EHBP1: variants seen among roughly 807,000 people sequenced by gnomAD.
EHBP1 encodes EH domain-binding protein 1.
In EHBP1, 55 loss-of-function variants were observed where a neutral mutation model predicts 144.0. The observed-to-expected ratio is 0.38, with a 90% CI of 0.31 to 0.48. EHBP1 has a LOEUF of 0.48. Among genes scored for constraint, EHBP1 ranks in the 20% least tolerant of loss-of-function variants. EHBP1 has a pLI of 0.98. For missense variants in EHBP1, 1,200 were observed against 1,364.2 expected (o/e 0.88, Z 1.90); for synonymous variants, 469 against 472.7 (o/e 0.99, Z 0.10).
intron 15 of EHBP1, among the ~76,000 whole-genome samples, chr2:62,980,920 A>G (rs1377215331): frequency 7.4e-5 from 11 of 148,174 alleles, no homozygotes; most frequent in Non-Finnish European, 1.3e-4. Flanking sequence ...AATTTTTTTT[A>G]ATTAACCAGA....
chr2:62,971,557 A>G (rs1053280012), intron 14 of EHBP1, among the ~76,000 whole-genome samples: 4 of 152,196 alleles, frequency 2.6e-5, no homozygotes, highest in African/African-American at 9.6e-5. Flanking sequence ...AATAGCAGTT[A>G]TGTAATAGAT....
intron 16 of EHBP1, among the ~76,000 whole-genome samples, chr2:62,992,204 G>A (rs940620773): frequency 6.6e-6 from 1 of 151,994 alleles, no homozygotes; most frequent in Non-Finnish European, 1.5e-5. Flanking sequence ...GTTTATTTTG[G>A]TAAAGACTTG....
chr2:62,965,783 CCATCAGTTCTTTA>C (rs1398955707), intron 14 of EHBP1, among the ~76,000 whole-genome samples: 5 of 152,172 alleles, frequency 3.3e-5, no homozygotes, highest in Non-Finnish European at 5.9e-5. Context: ...GCTAATCAAG[CCATCAGTTCTTTA>C]TGCACTCTAC....
intron 5 of EHBP1, among the ~76,000 whole-genome samples, chr2:62,795,514 A>C (rs1468581414): frequency 6.6e-6 from 1 of 152,012 alleles, no homozygotes; most frequent in African/African-American, 2.4e-5. Flanking sequence ...TAAGGTTCTT[A>C]AGGCATCAGT....
At chr2:62,845,638 C>A (rs748679829) in intron 7 of EHBP1, among the ~76,000 whole-genome samples, 13 of 151,460 alleles carry the variant, frequency 8.6e-5, no homozygotes, top group Non-Finnish European at 1.6e-4. Context: ...ACCTGGCATC[C>A]ACCCACCAGT....
intron 1 of EHBP1, among the ~76,000 whole-genome samples, chr2:62,689,597 G>A (rs1282147933): frequency 2.0e-5 from 3 of 152,140 alleles, no homozygotes; most frequent in East Asian, 1.9e-4. Flanking sequence ...AGAGGTAACC[G>A]AGGTCTCGGA....
intron 1 of EHBP1, among the ~76,000 whole-genome samples, chr2:62,681,742 C>T (rs62177748): frequency 0.14 from 20,767 of 151,980 alleles, 1,761 homozygotes; most frequent in Admixed American, 0.19. Flanking sequence ...TCATGGGAGA[C>T]TGTATCATAT....
chr2:62,894,694 G>T (rs1281245731), intron 10 of EHBP1, among the ~76,000 whole-genome samples: 3 of 152,144 alleles, frequency 2.0e-5, no homozygotes, highest in East Asian at 1.9e-4. Flanking sequence ...GGACTTTATT[G>T]TGTAGACAGT....
chr2:62,766,316 C>G (rs897270528), intron 4 of EHBP1, among the ~76,000 whole-genome samples: 1 of 152,010 alleles, frequency 6.6e-6, no homozygotes, highest in East Asian at 1.9e-4. Flanking sequence ...GCTGCAGTCA[C>G]GTTCATCTTG....
chr2:62,992,305 T>C (rs886603616), intron 16 of EHBP1, among the ~76,000 whole-genome samples: 2 of 152,200 alleles, frequency 1.3e-5, no homozygotes, highest in African/African-American at 4.8e-5. Context: ...CTATCATAAC[T>C]ATATGGCTAG....
At chr2:62,927,711 T>C (rs2055637724) in intron 10 of EHBP1, among the ~76,000 whole-genome samples, 1 of 152,126 alleles carries the variant, frequency 6.6e-6, no homozygotes, top group African/African-American at 2.4e-5. Flanking sequence ...GATAGAAGAA[T>C]CAGGTAAAAT....
At chr2:62,855,779 T>C (rs1464912361) in intron 7 of EHBP1, among the ~76,000 whole-genome samples, 1 of 152,108 alleles carries the variant, frequency 6.6e-6, no homozygotes, top group Admixed American at 6.5e-5. Flanking sequence ...ACCTCTACTC[T>C]GCTGAGAGCT....
intron 19 of EHBP1, among the ~76,000 whole-genome samples, chr2:63,028,985 C>A (rs1056830068): frequency 3.9e-5 from 6 of 152,056 alleles, no homozygotes; most frequent in Non-Finnish European, 7.4e-5. Flanking sequence ...TATTGTAATT[C>A]TCATTTTTTA....
At chr2:62,941,787 T>G (rs2153072162) in intron 10 of EHBP1, among the ~76,000 whole-genome samples, 1 of 152,288 alleles carries the variant, frequency 6.6e-6, no homozygotes, top group South Asian at 2.1e-4. Flanking sequence ...CTAGCACTTT[T>G]AATTAGTAGC....
intron 19 of EHBP1, among the ~76,000 whole-genome samples, chr2:63,008,667 T>C (rs1451831814): frequency 6.6e-6 from 1 of 150,970 alleles, no homozygotes; most frequent in Non-Finnish European, 1.5e-5. Flanking sequence ...GTTTTCCGTT[T>C]GCCTAAAAAT....
intron 7 of EHBP1, among the ~76,000 whole-genome samples, chr2:62,849,151 C>G (rs1169925147): frequency 1.3e-5 from 2 of 151,892 alleles, no homozygotes; most frequent in South Asian, 4.2e-4. Flanking sequence ...TATGTAACTT[C>G]CAAAACTAAG....
In EHBP1 at chr2:62,948,718, C is replaced by T. The variant is rs746407754; in HGVS notation, c.1872C>T (p.Ser624=). The part of the protein sequence containing the change: ...SDTEPQKSQQ[S]SGRTSGSDDP... ...CAGAACCCCAGAAGTCTCAGCAGAG[C>T]TCTGGAAGGACTTCAGGATCTGATG... is the stretch of plus-strand genomic sequence containing the variant. The change falls in exon 13 of 23, where the codon AGC becomes AGT. Residue 624 remains serine, a synonymous_variant. Coordinates refer to ENST00000431489, the MANE Select transcript of EHBP1 (RefSeq NM_001142616.3). 5.0e-6 allele frequency: 8 copies of T among 1,614,034 alleles called. No homozygotes were observed. Among genetic ancestry groups the T allele is most frequent in the Admixed American group, 1.7e-5 (1 of 60,012 alleles).
Position 62,785,738 on chromosome 2 carries a change from TC to T in EHBP1, c.312+14347del, listed in dbSNP as rs1007184998. 7.0e-4 allele frequency among the ~76,000 whole-genome samples: 107 copies of T among 152,324 alleles called. No homozygotes were observed. In the Middle Eastern group the frequency reaches 0.01, roughly 15 times the overall value. On this transcript the variant is annotated intron_variant, in intron 5 of 22. Transcript: ENST00000431489. The stretch of plus-strand genomic sequence containing the variant: ...CACCTTTCTTATACAACCTACTTTT[TC>T]TTACATTGGTTTCTAGTGTTTTTAT...
intron 1 of EHBP1, among the ~76,000 whole-genome samples, chr2:62,684,323 G>T (rs922340391): frequency 6.6e-6 from 1 of 151,932 alleles, no homozygotes; most frequent in Admixed American, 6.6e-5. Flanking sequence ...GGGGTAGAGT[G>T]GGGGAGGTAA....
Sources: allele counts gnomAD v4.1 joint callset (sites outside exome capture counted in the v4.1 genomes callset), GRCh38; gene constraint gnomAD v4.1.1; transcripts MANE v1.5; gene names NCBI Gene and HGNC (gene_info 2026-07-23, HGNC 2026-07-21).